CNTNAP2: variants seen among roughly 807,000 people sequenced by gnomAD.
The protein encoded by CNTNAP2 is contactin-associated protein-like 2.
CNTNAP2 carries 98 observed loss-of-function variants against 155.2 expected under a neutral mutation model. The observed-to-expected ratio is 0.63, with a 90% CI of 0.54 to 0.75. CNTNAP2 has a LOEUF of 0.75. CNTNAP2 is among the 30% of genes least tolerant of loss of function. The pLI is 0.00. For synonymous variants in CNTNAP2, 651 were observed against 631.2 expected (o/e 1.03, Z -0.47); for missense variants, 1,727 against 1,688.1 (o/e 1.02, Z -0.40).
At chr7:146,460,239 T>C (rs1401545014) in intron 1 of CNTNAP2, among the ~76,000 whole-genome samples, 2 of 152,226 alleles carry the variant, frequency 1.3e-5, no homozygotes, top group Admixed American at 6.5e-5. Context: ...TTACTTGTTT[T>C]AATAAAAAAT....
intron 1 of CNTNAP2, among the ~76,000 whole-genome samples, chr7:146,117,824 T>G (rs935031534): frequency 8.5e-5 from 13 of 152,116 alleles, no homozygotes; most frequent in African/African-American, 3.1e-4. Flanking sequence ...AGAGAGGAAA[T>G]GCATGATTGT....
intron 17 of CNTNAP2, among the ~76,000 whole-genome samples, chr7:148,148,216 A>G (rs74384326): frequency 0.013 from 2,053 of 152,280 alleles, 49 homozygotes; most frequent in African/African-American, 0.047. Flanking sequence ...TTTTCCTGAC[A>G]TAGGAAAAAA....
intron 2 of CNTNAP2, among the ~76,000 whole-genome samples, chr7:146,784,480 G>T (rs1174371674): frequency 6.6e-6 from 1 of 152,154 alleles, no homozygotes. Flanking sequence ...TATGGGATGG[G>T]ATAACCACAT....
chr7:146,563,780 C>A (rs1347704370), intron 1 of CNTNAP2, among the ~76,000 whole-genome samples: 1 of 152,142 alleles, frequency 6.6e-6, no homozygotes. Flanking sequence ...CAGAATCTTT[C>A]ATTTCAGCCA....
At chr7:146,468,930 G>A (rs1796754881) in intron 1 of CNTNAP2, among the ~76,000 whole-genome samples, 1 of 151,748 alleles carries the variant, frequency 6.6e-6, no homozygotes, top group Non-Finnish European at 1.5e-5. Context: ...TTAGAAAAGT[G>A]TTTAAAAAAA....
chr7:147,249,677 C>G (rs1036370443), intron 8 of CNTNAP2, among the ~76,000 whole-genome samples: 1 of 144,272 alleles, frequency 6.9e-6, no homozygotes, highest in African/African-American at 2.6e-5. Context: ...AGATTCAGAG[C>G]TGGAGTTGGG....
chr7:146,672,568 C>G (rs541142841), intron 1 of CNTNAP2, among the ~76,000 whole-genome samples: 1 of 152,130 alleles, frequency 6.6e-6, no homozygotes, highest in Admixed American at 6.5e-5. Flanking sequence ...TCACAAAAAA[C>G]CACTTGGAAT....
intron 3 of CNTNAP2, among the ~76,000 whole-genome samples, chr7:146,858,607 T>C (rs1031886158): frequency 6.6e-6 from 1 of 152,112 alleles, no homozygotes; most frequent in Non-Finnish European, 1.5e-5. Flanking sequence ...GATGGGAGGA[T>C]CACCTGAGTC....
intron 11 of CNTNAP2, among the ~76,000 whole-genome samples, chr7:147,543,513 A>G (rs781219130): frequency 2.0e-5 from 3 of 152,204 alleles, no homozygotes; most frequent in Non-Finnish European, 2.9e-5. Context: ...ATGAAGATTA[A>G]TGTGAAAGTT....
chr7:147,034,061 G>A (rs937066208), intron 3 of CNTNAP2, among the ~76,000 whole-genome samples: 2 of 152,046 alleles, frequency 1.3e-5, no homozygotes, highest in African/African-American at 4.8e-5. Flanking sequence ...GCTAAATAAG[G>A]GCCAGGTAAT....
chr7:147,909,568 A>G (rs558981054), intron 14 of CNTNAP2, among the ~76,000 whole-genome samples: 1 of 152,266 alleles, frequency 6.6e-6, no homozygotes, highest in East Asian at 1.9e-4. Flanking sequence ...CTGAGATTGA[A>G]TGTAATTTAA....
At chr7:146,732,293 C>T (rs780850962) in intron 1 of CNTNAP2, among the ~76,000 whole-genome samples, 7 of 152,104 alleles carry the variant, frequency 4.6e-5, no homozygotes, top group Non-Finnish European at 1.0e-4. Context: ...ACTTGCATTT[C>T]TCATTTCCTA....
At chr7:146,975,968 C>T (rs1384610059) in intron 3 of CNTNAP2, among the ~76,000 whole-genome samples, 2 of 152,090 alleles carry the variant, frequency 1.3e-5, no homozygotes, top group East Asian at 1.9e-4. Context: ...ATAGAGTCAA[C>T]CACTTAAAGT....
intron 1 of CNTNAP2, among the ~76,000 whole-genome samples, chr7:146,222,902 G>A (rs1246554324): frequency 1.3e-5 from 2 of 151,778 alleles, no homozygotes; most frequent in Non-Finnish European, 2.9e-5. Flanking sequence ...CTCATGATCC[G>A]CCCGCCTCGG....
intron 23 of CNTNAP2, among the ~76,000 whole-genome samples, chr7:148,413,401 AATAT>A (rs1226281346): frequency 8.8e-5 from 4 of 45,350 alleles, no homozygotes; most frequent in African/African-American, 2.5e-4. Flanking sequence ...TCAAAAAAAA[AATAT>A]ATATATATAT....
chr7:147,217,170 A>C (rs1232314114), intron 8 of CNTNAP2, among the ~76,000 whole-genome samples: 1 of 151,980 alleles, frequency 6.6e-6, no homozygotes, highest in East Asian at 1.9e-4. Context: ...TGCATTAGAT[A>C]GGACTCTCAG....
chr7:147,367,396 G>A (rs1796251664), intron 9 of CNTNAP2, among the ~76,000 whole-genome samples: 1 of 152,182 alleles, frequency 6.6e-6, no homozygotes. Flanking sequence ...GGGTAAAGAT[G>A]TGTGAAAAGT....
chr7:147,751,046 A>T (rs1344156086), intron 13 of CNTNAP2, among the ~76,000 whole-genome samples: 1 of 151,588 alleles, frequency 6.6e-6, no homozygotes, highest in Admixed American at 6.6e-5. Context: ...TCTCAAAAAT[A>T]AAAAATAAAA....
chr7:147,011,872 C>T (rs4585658), intron 3 of CNTNAP2, among the ~76,000 whole-genome samples: 56,597 of 151,974 alleles, frequency 0.37, 10,741 homozygotes, highest in South Asian at 0.43. Context: ...GAAGGAACAC[C>T]GCATAGAGAG....
Sources: gnomAD v4.1 joint callset for allele counts (sites outside exome capture counted in the v4.1 genomes callset) on GRCh38, gnomAD v4.1.1 for gene constraint, MANE v1.5 for transcripts, NCBI Gene and HGNC (gene_info 2026-07-23, HGNC 2026-07-21) for gene names.